KPNA1: variants seen among roughly 807,000 people sequenced by gnomAD.
KPNA1 encodes karyopherin subunit alpha 1.
A neutral mutation model predicts 70.5 loss-of-function variants in KPNA1; 10 were observed. That is an observed-to-expected ratio of 0.14 (90% CI 0.09 to 0.24). The LOEUF is 0.24. Among genes scored for constraint, KPNA1 ranks in the 10% least tolerant of loss-of-function variants. The pLI is 1.00. For missense variants in KPNA1, 397 were observed against 637.9 expected (o/e 0.62, Z 4.07); for synonymous variants, 192 against 221.9 (o/e 0.87, Z 1.20).
chr3:122,496,381 G>T, intron 2 of KPNA1, 56 bp downstream of exon 2: 1 of 1,493,382 alleles, frequency 6.7e-7, no homozygotes, highest in Non-Finnish European at 9.2e-7. Flanking sequence ...ATAGTTTCAG[G>T]CTTAAAATGG....
At chr3:122,475,584 T>C (rs1349112455) in intron 2 of KPNA1, among the ~76,000 whole-genome samples, 2 of 151,614 alleles carry the variant, frequency 1.3e-5, no homozygotes, top group Non-Finnish European at 2.9e-5. Flanking sequence ...GGCTTCACAC[T>C]GACTGATTTC....
At chr3:122,441,110 A>G (rs768799445) in intron 10 of KPNA1, among the ~76,000 whole-genome samples, 1 of 152,246 alleles carries the variant, frequency 6.6e-6, no homozygotes, top group Non-Finnish European at 1.5e-5. Context: ...AATAAGATCT[A>G]TGAATGAGGC....
At chr3:122,448,235 C>T (rs1247858899) in intron 9 of KPNA1, among the ~76,000 whole-genome samples, 1 of 152,144 alleles carries the variant, frequency 6.6e-6, no homozygotes, top group Non-Finnish European at 1.5e-5. Flanking sequence ...TTGACCCAGC[C>T]ATCCCACTAC....
At chr3:122,497,037 T>C (rs929443064) in intron 1 of KPNA1, among the ~76,000 whole-genome samples, 2 of 152,206 alleles carry the variant, frequency 1.3e-5, no homozygotes, top group East Asian at 3.8e-4. Flanking sequence ...AAATGTGCTA[T>C]TCAACAGTTT....
At chr3:122,509,934 T>C (rs1472892734) in intron 1 of KPNA1, among the ~76,000 whole-genome samples, 1 of 152,304 alleles carries the variant, frequency 6.6e-6, no homozygotes, top group African/African-American at 2.4e-5. Flanking sequence ...CACATCATCA[T>C]GGAATTTTGA....
At chr3:122,488,626 A>G (rs572929770) in intron 2 of KPNA1, among the ~76,000 whole-genome samples, 1 of 152,336 alleles carries the variant, frequency 6.6e-6, no homozygotes, top group South Asian at 2.1e-4. Flanking sequence ...CCAGGACATT[A>G]TTTTACTTCT....
At position 122,468,757 on chromosome 3, in the gene KPNA1, T is replaced by A. The variant is rs1286940999; in HGVS notation, c.130-1328A>T. On this transcript the variant is annotated intron_variant, in intron 2 of 13. Coordinates refer to ENST00000344337, the MANE Select transcript of KPNA1 (RefSeq NM_002264.4). ...GGCAATGTAAGGAGAGAGATGGAAA[T>A]TCTAAAAAAGAACTAAAAAGAAATG... Among the ~76,000 whole-genome samples, 4 of 152,048 alleles carry A rather than the reference T, an allele frequency of 2.6e-5. No individual in the cohort carries two copies. The East Asian group carries it at 7.7e-4, about 29-fold the overall frequency.
intron 8 of KPNA1, 125 bp downstream of exon 8, chr3:122,451,409 A>T (rs2076201146): frequency 1.7e-6 from 1 of 595,260 alleles, no homozygotes; most frequent in Admixed American, 3.1e-5. Flanking sequence ...TGTTTCTCCA[A>T]AAACAGATAA....
At chr3:122,452,726 G>A (rs2076222171) in intron 6 of KPNA1, among the ~76,000 whole-genome samples, 1 of 142,326 alleles carries the variant, frequency 7.0e-6, no homozygotes, top group African/African-American at 2.8e-5. Context: ...AAGGAGGGAA[G>A]GAGAGACGGA....
At chr3:122,462,226 C>CAA (rs61230809) in intron 4 of KPNA1, among the ~76,000 whole-genome samples, 125 of 150,432 alleles carry the variant, frequency 8.3e-4, no homozygotes, top group Middle Eastern at 3.5e-3. Context: ...ACAACAACAA[C>CAA]AAAAAAAAAC....
chr3:122,499,061 T>C (rs2107501048), intron 1 of KPNA1, among the ~76,000 whole-genome samples: 1 of 152,390 alleles, frequency 6.6e-6, no homozygotes, highest in South Asian at 2.1e-4. Flanking sequence ...TTTTGTATAC[T>C]GATCTTGTAT....
chr3:122,448,580 C>A (rs1006415304), intron 9 of KPNA1, among the ~76,000 whole-genome samples: 11 of 152,070 alleles, frequency 7.2e-5, no homozygotes, highest in Admixed American at 2.0e-4. Context: ...ACATCACACA[C>A]TGGGGCCTGT....
At chr3:122,492,746 C>A (rs1332984655) in intron 2 of KPNA1, among the ~76,000 whole-genome samples, 1 of 152,182 alleles carries the variant, frequency 6.6e-6, no homozygotes, top group Non-Finnish European at 1.5e-5. Flanking sequence ...AGCCTCAAAG[C>A]TCCACAGAAC....
At chr3:122,439,803 T>C (rs2076039600) in intron 10 of KPNA1, among the ~76,000 whole-genome samples, 1 of 151,938 alleles carries the variant, frequency 6.6e-6, no homozygotes, top group African/African-American at 2.4e-5. Flanking sequence ...CTAGTAACAA[T>C]AACAATCAAG....
chr3:122,461,955 G>C (rs778503216), intron 4 of KPNA1, among the ~76,000 whole-genome samples: 4 of 152,148 alleles, frequency 2.6e-5, no homozygotes, highest in African/African-American at 9.7e-5. Flanking sequence ...ATATGCGTGT[G>C]GCAATGCCAG....
intron 1 of KPNA1, among the ~76,000 whole-genome samples, chr3:122,501,603 T>C (rs545422654): frequency 6.6e-6 from 1 of 152,174 alleles, no homozygotes; most frequent in Non-Finnish European, 1.5e-5. Flanking sequence ...ATCTAGCTTG[T>C]TTTGTAGCCC....
chr3:122,452,520 AGGAGGGAAGGAGGGAAGGAGGGAAGGAG>A (rs1459231469), intron 6 of KPNA1, among the ~76,000 whole-genome samples: 22 of 41,626 alleles, frequency 5.3e-4, no homozygotes, highest in Admixed American at 1.5e-3. Flanking sequence ...GAAGGAGGGA[AGGAGGGAAGGAGGGAAGGAGGGAAGGAG>A]GGAGGGAGGG....
chr3:122,459,552 G>C, intron 5 of KPNA1: 1 of 985,364 alleles, frequency 1.0e-6, no homozygotes, highest in South Asian at 4.7e-5. Context: ...CTGCAGTGTT[G>C]GTTGTCTGGA....
chr3:122,438,362 A>C (rs1277298637), intron 10 of KPNA1, among the ~76,000 whole-genome samples: 1 of 151,270 alleles, frequency 6.6e-6, no homozygotes, highest in African/African-American at 2.4e-5. Context: ...TTCTTTATAA[A>C]CTACTCAGTC....
Sources: gnomAD v4.1 joint callset for allele counts (sites outside exome capture counted in the v4.1 genomes callset) on GRCh38, gnomAD v4.1.1 for gene constraint, MANE v1.5 for transcripts, NCBI Gene and HGNC (gene_info 2026-07-23, HGNC 2026-07-21) for gene names.